The following WDPCP variants were observed in gnomAD, a reference collection of about 807,000 sequenced individuals.
WDPCP encodes WD repeat-containing and planar cell polarity effector protein fritz homolog.
Under a neutral mutation model 93.1 loss-of-function variants are expected in WDPCP, and 71 were observed. The ratio of observed to expected loss-of-function variants is 0.76; its 90% confidence interval spans 0.63 to 0.93. WDPCP has a LOEUF of 0.93. Ranked by LOEUF, WDPCP falls within the 40% of genes least tolerant of loss-of-function variation. The probability of loss-of-function intolerance (pLI) is 0.00; values close to 1 mark genes in which losing one functional copy is unlikely to be tolerated. For synonymous variants in WDPCP, 315 were observed against 315.0 expected (o/e 1.00, Z 0.00); for missense variants, 844 against 887.4 (o/e 0.95, Z 0.62).
At chr2:63,374,195 T>C (rs1372049258) in intron 12 of WDPCP, among the ~76,000 whole-genome samples, 2 of 152,076 alleles carry the variant, frequency 1.3e-5, no homozygotes, top group Non-Finnish European at 2.9e-5. Context: ...CTGCATGAGC[T>C]CTCAGTTATG....
At position 63,439,253 on chromosome 2, in the gene WDPCP, A is replaced by G. The variant is rs376857202; in HGVS notation, c.499+504T>C. Among the ~76,000 whole-genome samples, 3 of 152,120 alleles carry G rather than the reference A, an allele frequency of 2.0e-5. No individual in the cohort carries two copies. In the East Asian group the frequency reaches 5.8e-4, roughly 29 times the overall value. ...TACAGACTGATTGAGATGTCACTTA[A>G]TAGGACCTGACTGTCCAGTATATTA... On this transcript the variant is annotated intron_variant, in intron 7 of 17. Transcript: ENST00000272321.
chr2:63,828,386 G>T (rs1484207535), upstream of WDPCP, among the ~76,000 whole-genome samples: 1 of 151,684 alleles, frequency 6.6e-6, no homozygotes, highest in Non-Finnish European at 1.5e-5. Flanking sequence ...CCCTTACCCT[G>T]CTTTTTAAAT....
intron 9 of WDPCP, among the ~76,000 whole-genome samples, chr2:63,409,336 A>G (rs934710326): frequency 2.0e-5 from 3 of 152,202 alleles, no homozygotes; most frequent in African/African-American, 7.2e-5. Context: ...AGCCACATCC[A>G]TAGGAAGAGG....
chr2:63,785,827 A>C (rs1269457128), intron 2 of WDPCP, among the ~76,000 whole-genome samples: 1 of 152,202 alleles, frequency 6.6e-6, no homozygotes, highest in Middle Eastern at 3.2e-3. Flanking sequence ...CAAGACAAAG[A>C]TATTTTTTAA....
chr2:63,672,702 T>C (rs973011259), intron 2 of WDPCP, among the ~76,000 whole-genome samples: 1 of 150,046 alleles, frequency 6.7e-6, no homozygotes, highest in Non-Finnish European at 1.5e-5. Flanking sequence ...TTATCCTGGC[T>C]CACTGAAGCC....
At chr2:63,457,709 G>T (rs1483589173) in intron 6 of WDPCP, among the ~76,000 whole-genome samples, 1 of 151,998 alleles carries the variant, frequency 6.6e-6, no homozygotes, top group African/African-American at 2.4e-5. Context: ...AAAATTATAT[G>T]ATCATCTCAA....
chr2:63,806,366 C>T (rs901730212), intron 2 of WDPCP, among the ~76,000 whole-genome samples: 3 of 151,838 alleles, frequency 2.0e-5, no homozygotes, highest in Non-Finnish European at 2.9e-5. Flanking sequence ...AGGGAGTGTG[C>T]GAATAGGTGT....
chr2:63,736,753 GA>G (rs112052618), intron 2 of WDPCP, among the ~76,000 whole-genome samples: 2,532 of 150,674 alleles, frequency 0.017, 22 homozygotes, highest in African/African-American at 0.018. Context: ...TTTTGAAAGA[GA>G]AAAAAAAATT....
rs141708499 is a variant in WDPCP at position 63,753,319 on chromosome 2, C to T, written n.308+60303G>A. Among the ~76,000 whole-genome samples, 640 of 152,202 alleles carry T rather than the reference C, an allele frequency of 4.2e-3. 5 individuals carry two copies. Among genetic ancestry groups the T allele is most frequent in the African/African-American group, 0.015 (610 of 41,518 alleles). On this transcript the variant is annotated intron_variant and non_coding_transcript_variant, in intron 2 of 4. Coordinates refer to the WDPCP transcript ENST00000467687. ...TGGTAGGTGCCTGTAATCCCAGTTA[C>T]TCAGGAGGCTGAGGTGGAAGGATCA... is the stretch of plus-strand genomic sequence containing the variant.
At chr2:63,335,574 C>T (rs984076964) in intron 12 of WDPCP, among the ~76,000 whole-genome samples, 3 of 152,082 alleles carry the variant, frequency 2.0e-5, no homozygotes, top group African/African-American at 7.2e-5. Context: ...GAAGCATGCA[C>T]CACACCTGGC....
intron 1 of WDPCP, among the ~76,000 whole-genome samples, chr2:63,566,175 T>A (rs1182171433): frequency 6.6e-6 from 1 of 152,124 alleles, no homozygotes; most frequent in Non-Finnish European, 1.5e-5. Context: ...AATATCTTGG[T>A]CCCCCAAAAT....
At chr2:63,230,876 T>G (rs1015086551) in intron 14 of WDPCP, among the ~76,000 whole-genome samples, 1 of 152,214 alleles carries the variant, frequency 6.6e-6, no homozygotes, top group South Asian at 2.1e-4. Context: ...TCTCCCATTC[T>G]GTAGGTTGCC....
chr2:63,203,880 G>T (rs1230653789), intron 14 of WDPCP, among the ~76,000 whole-genome samples: 1 of 152,120 alleles, frequency 6.6e-6, no homozygotes, highest in East Asian at 1.9e-4. Flanking sequence ...CAGATAACAG[G>T]ATCTCATTCT....
At chr2:63,598,882 G>A (rs922622521) in intron 3 of WDPCP, among the ~76,000 whole-genome samples, 3 of 142,206 alleles carry the variant, frequency 2.1e-5, no homozygotes, top group South Asian at 2.2e-4. Flanking sequence ...TCTACAGCTT[G>A]TCAAAAGAGG....
rs181593242 is a variant in WDPCP at position 63,374,752 on chromosome 2, T to A, written c.1748+3634A>T. On this transcript the variant is annotated intron_variant, in intron 12 of 17. Coordinates refer to ENST00000272321, the MANE Select transcript of WDPCP (RefSeq NM_015910.7). ...CATCTTACTGTAAAAATTTCCAACA[T>A]AGAGCAAAGTTAAAAGATTATCTAC... is the stretch of plus-strand genomic sequence containing the variant. Among the ~76,000 whole-genome samples the A allele has an allele frequency of 1.3e-3, 197 of 152,266 alleles. 2 individuals are homozygous for A. The highest frequency in any genetic ancestry group is 4.5e-3 in the African/African-American group (185 of 41,558).
chr2:63,810,149 T>C (rs1670842022), intron 2 of WDPCP, among the ~76,000 whole-genome samples: 2 of 152,192 alleles, frequency 1.3e-5, no homozygotes, highest in African/African-American at 4.8e-5. Context: ...GGTTTTATAC[T>C]TCACTGGGCA....
chr2:63,717,031 G>A (rs762038275), intron 2 of WDPCP: 8 of 233,662 alleles, frequency 3.4e-5, no homozygotes, highest in Non-Finnish European at 6.7e-5. Flanking sequence ...CCACTTCATC[G>A]GTATGACCTC....
rs559115216 is a variant in WDPCP at position 63,366,593 on chromosome 2, C to G, written c.1748+11793G>C. Among the ~76,000 whole-genome samples the G allele has an allele frequency of 5.3e-5, 8 of 152,224 alleles. No homozygotes were observed. In the South Asian group the frequency reaches 1.7e-3, roughly 32 times the overall value. ...ATTATCATATTAATTCTCACAACAT[C>G]CCAGTGTGACAGGTACCATGATTGT... On this transcript the variant is annotated intron_variant, in intron 12 of 17. Transcript: ENST00000272321.
At chr2:63,784,571 A>AGTGTGT (rs57680590) in intron 2 of WDPCP, among the ~76,000 whole-genome samples, 2,283 of 145,724 alleles carry the variant, frequency 0.016, 47 homozygotes, top group Admixed American at 0.059. Flanking sequence ...CTCTAGCTGG[A>AGTGTGT]GTGTGTGTGT....
Sources: gnomAD v4.1 joint callset for allele counts (sites outside exome capture counted in the v4.1 genomes callset) on GRCh38, gnomAD v4.1.1 for gene constraint, MANE v1.5 for transcripts, NCBI Gene and HGNC (gene_info 2026-07-23, HGNC 2026-07-21) for gene names.